KAT8: variants seen among roughly 807,000 people sequenced by gnomAD.
KAT8 encodes the protein histone acetyltransferase KAT8.
Under a neutral mutation model 62.9 loss-of-function variants are expected in KAT8, and 40 were observed. The observed-to-expected ratio is 0.64, with a 90% confidence interval of 0.49 to 0.83. The LOEUF is 0.83. Among genes scored for constraint, KAT8 ranks in the 40% least tolerant of loss-of-function variants. The pLI is 0.00. For synonymous variants in KAT8, 278 were observed against 254.5 expected, an observed-to-expected ratio of 1.09 and a Z score of -0.88; for missense variants, 387 against 614.8, an observed-to-expected ratio of 0.63 and a Z score of 3.92.
Position 31,130,815 on chromosome 16 carries a change from G to A in KAT8, c.1227G>A (p.Trp409Ter). ...AATCCCTCAATATGGTCAAGTACTG[G>A]AAGGGCCAGCACGTGATCTGTGTCA... ...TLQSLNMVKY[W>*]KGQHVICVTP... Residue 409 changes from tryptophan to a stop codon, truncating the protein, a stop_gained, in exon 10 of 11, where the codon TGG (tryptophan) becomes TGA (stop). Coordinates refer to ENST00000219797, the MANE Select transcript of KAT8 (RefSeq NM_032188.3). LOFTEE classifies it high-confidence loss of function. 6.2e-7 allele frequency: 1 copy of A among 1,613,974 alleles called. No individual in the cohort carries two copies. Among genetic ancestry groups the A allele is most frequent in the African/African-American group, 1.3e-5 (1 of 74,994 alleles).
intron 6 of KAT8, among the ~76,000 whole-genome samples, chr16:31,128,441 A>G (rs191500753): frequency 6.6e-6 from 1 of 152,216 alleles, no homozygotes; most frequent in Non-Finnish European, 1.5e-5. Flanking sequence ...GCTACTCGGG[A>G]GGCTGAGGCA....
In KAT8 at chr16:31,131,029, C is replaced by T. The variant is rs78242929; in HGVS notation, c.1312+129C>T. On this transcript the variant is annotated intron_variant, in intron 10 of 10. Transcript: ENST00000219797. ...TCAGACCAGCTCCCAGGATGGAGCC[C>T]GGGGCAGGCCTCTCATTCCTGGGCT... is the stretch of plus-strand genomic sequence containing the variant. 7,714 of 1,505,058 alleles carry T rather than the reference C, an allele frequency of 5.1e-3. 315 individuals carry two copies. The African/African-American group carries it at 0.092, about 18-fold the overall frequency. 93.2% of individuals were successfully genotyped at this position (1,505,058 alleles called of 1,614,324 possible).
At chr16:31,126,085 A>ATC (rs1334732844) in intron 3 of KAT8, 1 of 152,234 alleles carries the variant, frequency 6.6e-6, no homozygotes, top group East Asian at 1.9e-4. Context: ...CAACAGTGAC[A>ATC]AAGGATAGAT....
At chr16:31,130,386 A>AG in intron 8 of KAT8, 26 bp downstream of exon 8, 1 of 1,613,894 alleles carries the variant, frequency 6.2e-7, no homozygotes, top group South Asian at 1.1e-5. Flanking sequence ...CCTGTCTGGG[A>AG]GGGGGAGACC....
chr16:31,120,491 G>A lies in KAT8; in HGVS notation c.439G>A (p.Asp147Asn). 6.2e-7 allele frequency: 1 copy of A among 1,612,768 alleles called. No individual in the cohort carries two copies. ...CACTCGCAACCAAAAGCGCAAGCATGATGAGATCAACCATGTGCAGAAGGT... is the reference window on the plus strand; with the variant it reads ...CACTCGCAACCAAAAGCGCAAGCATAATGAGATCAACCATGTGCAGAAGGT... ...KITRNQKRKHDEINHVQKTYA... is the reference protein window; with the variant it reads ...KITRNQKRKHNEINHVQKTYA... Residue 147 changes from aspartate (D) to asparagine (N), a missense_variant, in exon 3 of 11, where the codon GAT becomes AAT. Physicochemically the swap from Asp to Asn is conservative, Grantham distance 23. Coordinates refer to ENST00000219797, the MANE Select transcript of KAT8 (RefSeq NM_032188.3).
Position 31,130,917 on chromosome 16 carries a change from T to C in KAT8, c.1312+17T>C. The stretch of plus-strand genomic sequence containing the variant: ...CCATCACAGGTGGGTGGGGGGCTGC[T>C]GTGTGTCGGGGGCGGTGGGGGAGTG... On this transcript the variant is annotated intron_variant, in intron 10 of 10. Transcript: ENST00000219797. The C allele has an allele frequency of 6.3e-7, 1 of 1,596,772 alleles. No homozygotes were observed. Among genetic ancestry groups the C allele is most frequent in the Non-Finnish European group, 8.5e-7 (1 of 1,173,296 alleles).
intron 10 of KAT8, 23 bp downstream of exon 10, chr16:31,130,923 T>C: frequency 1.9e-6 from 3 of 1,571,560 alleles, no homozygotes; most frequent in Admixed American, 1.8e-5. Context: ...CTGCTGTGTG[T>C]CGGGGGCGGT....
chr16:31,121,310 G>A (rs1290817572), intron 3 of KAT8, among the ~76,000 whole-genome samples: 1 of 151,924 alleles, frequency 6.6e-6, no homozygotes, highest in Non-Finnish European at 1.5e-5. Context: ...TAGTAGAGAC[G>A]AGGTTTCGCC....
At chr16:31,124,335 G>T (rs915502041) in intron 3 of KAT8, among the ~76,000 whole-genome samples, 1 of 152,196 alleles carries the variant, frequency 6.6e-6, no homozygotes, top group Non-Finnish European at 1.5e-5. Context: ...AAGGCTCATT[G>T]TGAGGAACAA....
intron 1 of KAT8, among the ~76,000 whole-genome samples, chr16:31,118,940 G>A (rs1300053467): frequency 7.0e-6 from 1 of 142,734 alleles, no homozygotes; most frequent in Non-Finnish European, 1.5e-5. Flanking sequence ...TGGGATTGCC[G>A]TGGCACGATG....
chr16:31,117,711 T>TGCGGCGGGGACTTCAGGGGTC lies in KAT8; in HGVS notation c.35_55dup (p.Ala12_Ala18dup), dbSNP rs1409181341. ...CGGCACAGGGAGCTGCTGCGGCGGT[T>TGCGGCGGGGACTTCAGGGGTC]GCGGCGGGGACTTCAGGGGTCGCGG... On this transcript the variant is annotated inframe_insertion, in exon 1 of 11. Transcript: ENST00000219797. 12 of 1,390,690 alleles carry TGCGGCGGGGACTTCAGGGGTC rather than the reference T, an allele frequency of 8.6e-6. No individual in the cohort carries two copies. The African/African-American group carries it at 1.7e-4, about 19-fold the overall frequency. 86.1% of individuals were successfully genotyped at this position (1,390,690 alleles called of 1,614,324 possible).
chr16:31,118,037 G>T, intron 1 of KAT8, 145 bp downstream of exon 1: 1 of 617,416 alleles, frequency 1.6e-6, no homozygotes, highest in Non-Finnish European at 2.4e-6. Flanking sequence ...AAAGAACGCC[G>T]CGTTCCGGGC....
In KAT8 at chr16:31,130,158, G is replaced by A; in HGVS notation, c.912+1G>A. 6.2e-7 allele frequency: 1 copy of A among 1,610,814 alleles called. No individual in the cohort carries two copies. Among genetic ancestry groups the A allele is most frequent in the Non-Finnish European group, 8.5e-7 (1 of 1,178,206 alleles). On this transcript the variant is annotated splice_donor_variant, in intron 7 of 10. Transcript: ENST00000219797. LOFTEE classifies it high-confidence loss of function. The stretch of plus-strand genomic sequence containing the variant: ...CCACATTGTTGGCTACTTCTCCAAG[G>A]TGCTGGGTCTGGAAACTCGGGGTGG...
At chr16:31,123,169 C>T (rs995676540) in intron 3 of KAT8, among the ~76,000 whole-genome samples, 2 of 151,864 alleles carry the variant, frequency 1.3e-5, no homozygotes, top group East Asian at 1.9e-4. Flanking sequence ...CCTGGGTGTC[C>T]GATCAAGACT....
chr16:31,121,321 A>G (rs932080835), intron 3 of KAT8, among the ~76,000 whole-genome samples: 22 of 151,946 alleles, frequency 1.4e-4, no homozygotes, highest in Non-Finnish European at 7.4e-5. Context: ...AGGTTTCGCC[A>G]TATTGGTCAG....
rs762012330 is a variant in KAT8 at position 31,130,176 on chromosome 16, CGGGGTGGGG to C, written c.912+20_912+28del. 8.2e-6 allele frequency: 2 copies of C among 244,278 alleles called. No individual in the cohort carries two copies. The highest frequency in any genetic ancestry group is 4.1e-5 in the Admixed American group (1 of 24,290). The allele number at this position is 244,278 out of a possible 1,614,324, so 15.1% of individuals were successfully genotyped here. On this transcript the variant is annotated intron_variant, in intron 7 of 10. Transcript: ENST00000219797. ...CTCCAAGGTGCTGGGTCTGGAAACT[CGGGGTGGGG>C]AGGGTGGGGAGGGCGAAGGTGGGCA...
At chr16:31,127,940 AG>A (rs2057545396) in intron 5 of KAT8, 109 bp from the exon 6 acceptor site, 3 of 761,424 alleles carry the variant, frequency 3.9e-6, no homozygotes, top group Non-Finnish European at 4.6e-6. Context: ...TGAAGTGTTG[AG>A]GGGGGAAACA....
chr16:31,125,266 G>T (rs2057524614), intron 3 of KAT8, among the ~76,000 whole-genome samples: 2 of 151,804 alleles, frequency 1.3e-5, no homozygotes, highest in Admixed American at 6.6e-5. Flanking sequence ...GTCCCCGAGG[G>T]TAAGGGACCT....
At chr16:31,120,535 A>G (rs1304804581) in intron 3 of KAT8, 21 bp downstream of exon 3, 2 of 1,588,742 alleles carry the variant, frequency 1.3e-6, no homozygotes, top group Non-Finnish European at 1.7e-6. Context: ...CTTCCCATCC[A>G]CGGGCCCAGG....
Sources: gnomAD v4.1 joint callset for allele counts (sites outside exome capture counted in the v4.1 genomes callset) on GRCh38, gnomAD v4.1.1 for gene constraint, MANE v1.5 for transcripts, NCBI Gene and HGNC (gene_info 2026-07-23, HGNC 2026-07-21) for gene names.